Variants in GALNT17 observed in about 807,000 individuals in gnomAD.
The protein encoded by GALNT17 is polypeptide N-acetylgalactosaminyltransferase 17.
In GALNT17, 29 loss-of-function variants were observed where a neutral mutation model predicts 63.7. That is an observed-to-expected ratio of 0.46 (90% confidence interval 0.34 to 0.62). The LOEUF is 0.62. GALNT17 is among the 20% of genes least tolerant of loss of function. The pLI is 0.01. For missense variants in GALNT17, 603 were observed against 799.6 expected (o/e 0.75, Z 2.97); for synonymous variants, 305 against 318.3 (o/e 0.96, Z 0.45).
chr7:71,458,595 G>A (rs1279603407), intron 5 of GALNT17, among the ~76,000 whole-genome samples: 2 of 152,196 alleles, frequency 1.3e-5, no homozygotes, highest in East Asian at 3.9e-4. Flanking sequence ...TGGTGTCCAG[G>A]AAGAATCAGG....
intron 9 of GALNT17, among the ~76,000 whole-genome samples, chr7:71,701,858 CATATATATAT>C (rs770291026): frequency 4.6e-5 from 1 of 21,628 alleles, no homozygotes; most frequent in Non-Finnish European, 2.3e-4. Context: ...TATATATACA[CATATATATAT>C]ACATATATAT....
intron 1 of GALNT17, among the ~76,000 whole-genome samples, chr7:71,269,784 T>A (rs1790553010): frequency 6.6e-6 from 1 of 152,200 alleles, no homozygotes; most frequent in African/African-American, 2.4e-5. Context: ...GGGATTGTCA[T>A]CTGGCTGAGA....
At chr7:71,438,419 C>G (rs1583953541) in intron 5 of GALNT17, among the ~76,000 whole-genome samples, 1 of 152,284 alleles carries the variant, frequency 6.6e-6, no homozygotes, top group East Asian at 1.9e-4. Flanking sequence ...TCTGCCTTTC[C>G]CAGCCCACTG....
At chr7:71,664,035 GTT>G (rs35903054) in intron 6 of GALNT17, among the ~76,000 whole-genome samples, 2 of 142,534 alleles carry the variant, frequency 1.4e-5, no homozygotes, top group African/African-American at 2.6e-5. Flanking sequence ...TTACAATAAG[GTT>G]TTTTTTTTTT....
At chr7:71,353,685 G>A (rs976435670) in intron 2 of GALNT17, among the ~76,000 whole-genome samples, 2 of 152,138 alleles carry the variant, frequency 1.3e-5, no homozygotes, top group Non-Finnish European at 2.9e-5. Flanking sequence ...ACACATGAGG[G>A]AAAGGAACAG....
chr7:71,509,365 G>C (rs1788317487), intron 5 of GALNT17, among the ~76,000 whole-genome samples: 1 of 152,192 alleles, frequency 6.6e-6, no homozygotes, highest in Non-Finnish European at 1.5e-5. Flanking sequence ...TTCAGCTTAG[G>C]ATGGGTGTAT....
At chr7:71,246,510 C>T (rs1006733482) in intron 1 of GALNT17, among the ~76,000 whole-genome samples, 13 of 148,418 alleles carry the variant, frequency 8.8e-5, no homozygotes, top group African/African-American at 3.2e-4. Flanking sequence ...TATATTTAAT[C>T]AATAGACTGC....
In GALNT17 at chr7:71,288,215, C is replaced by CAAAAAA. The variant is rs59555320; in HGVS notation, c.239-47317_239-47312dup. 1.1e-3 allele frequency among the ~76,000 whole-genome samples: 95 copies of CAAAAAA among 83,836 alleles called. 2 individuals are homozygous for CAAAAAA. Among genetic ancestry groups the CAAAAAA allele is most frequent in the African/African-American group, 4.6e-3 (87 of 18,728 alleles). 55.0% of individuals were successfully genotyped at this position (83,836 alleles called of 152,430 possible). A position where few individuals can be genotyped will look rare whatever the true frequency, so the allele number is the denominator to read the frequency against. On this transcript the variant is annotated intron_variant, in intron 1 of 10. Transcript: ENST00000333538. ...TGGGCGACAGAGTGGGACTCCATCTCAAAAAAAAAAAAAAAAAAAAAAATC... is the reference window on the plus strand; with the variant it reads ...TGGGCGACAGAGTGGGACTCCATCTCAAAAAAAAAAAAAAAAAAAAAAAAAAAAATC...
intron 6 of GALNT17, among the ~76,000 whole-genome samples, chr7:71,583,938 C>A (rs1250801839): frequency 6.6e-6 from 1 of 150,982 alleles, no homozygotes; most frequent in African/African-American, 2.4e-5. Flanking sequence ...TCCTGGCTAA[C>A]ATGGTGAAAC....
chr7:71,694,727 A>T (rs1364815902), intron 9 of GALNT17, among the ~76,000 whole-genome samples: 1 of 152,222 alleles, frequency 6.6e-6, no homozygotes, highest in Non-Finnish European at 1.5e-5. Context: ...AAGGAAGCAG[A>T]GTCCCATAGG....
chr7:71,351,213 G>A (rs2707430), intron 2 of GALNT17, among the ~76,000 whole-genome samples: 4,814 of 152,088 alleles, frequency 0.032, 250 homozygotes, highest in African/African-American at 0.11. Context: ...TGGACAGAAA[G>A]AATAGTGCCT....
rs956830226 is a variant in GALNT17 at position 71,632,093 on chromosome 7, A to G, written c.1081-33318A>G. On this transcript the variant is annotated intron_variant, in intron 6 of 10. Transcript: ENST00000333538. ...GACCTGAAGATGTTTAGTCTAAAAA[A>G]AAAAAGAAAAAGAAAAAAGACTGGG... Among the ~76,000 whole-genome samples the G allele has an allele frequency of 5.7e-5, 8 of 140,216 alleles. No individual in the cohort carries two copies. The South Asian group carries it at 1.3e-3, about 23-fold the overall frequency. 92.0% of individuals were successfully genotyped at this position (140,216 alleles called of 152,430 possible).
At chr7:71,536,612 C>G (rs1788806396) in intron 5 of GALNT17, among the ~76,000 whole-genome samples, 1 of 152,146 alleles carries the variant, frequency 6.6e-6, no homozygotes, top group South Asian at 2.1e-4. Context: ...GACTTATTCA[C>G]TACCATGAGA....
intron 1 of GALNT17, among the ~76,000 whole-genome samples, chr7:71,321,893 T>TC (rs1563001037): frequency 1.2e-5 from 1 of 85,910 alleles, no homozygotes; most frequent in African/African-American, 4.8e-5. Flanking sequence ...CTTCCTTCCT[T>TC]CCTTCCTTCC....
chr7:71,588,535 C>A lies in GALNT17; in HGVS notation c.1080+17133C>A, dbSNP rs949385494. ...GTTCACTTTTGTTTTTTCTTTTCTA[C>A]CGAGGCTACAAGTCAGTTAACTAAA... is the stretch of plus-strand genomic sequence containing the variant. On this transcript the variant is annotated intron_variant, in intron 6 of 10. Transcript: ENST00000333538. 7.9e-5 allele frequency among the ~76,000 whole-genome samples: 12 copies of A among 152,072 alleles called. 1 individual carries two copies. The highest frequency in any genetic ancestry group is 7.2e-4 in the Admixed American group (11 of 15,258).
chr7:71,307,155 G>A (rs1196130147), intron 1 of GALNT17, among the ~76,000 whole-genome samples: 1 of 152,106 alleles, frequency 6.6e-6, no homozygotes, highest in African/African-American at 2.4e-5. Context: ...TTTATGCCCA[G>A]AAGTAAAATT....
rs762495552 is a variant in GALNT17 at position 71,420,942 on chromosome 7, C to A, written c.799C>A (p.Arg267=). 1 of 1,614,142 alleles carries A rather than the reference C, an allele frequency of 6.2e-7. No homozygotes were observed. The highest frequency in any genetic ancestry group is 1.7e-5 in the Admixed American group (1 of 60,016). ...EPVLSRIQEN[R]KRVILPSIDN... ...GGTTCTATCCCGCATCCAGGAAAACCGGAAGCGTGTGATCCTCCCCTCCAT... is the reference window on the plus strand; with the variant it reads ...GGTTCTATCCCGCATCCAGGAAAACAGGAAGCGTGTGATCCTCCCCTCCAT... Residue 267 remains arginine, a synonymous_variant, in exon 5 of 11, where the codon CGG becomes AGG. Coordinates refer to ENST00000333538, the MANE Select transcript of GALNT17 (RefSeq NM_022479.3).
intron 6 of GALNT17, among the ~76,000 whole-genome samples, chr7:71,625,929 A>G (rs1371488693): frequency 1.3e-5 from 2 of 152,276 alleles, no homozygotes; most frequent in South Asian, 2.1e-4. Context: ...CTCTGATCCA[A>G]TATGACTGGT....
chr7:71,609,453 CATT>C (rs1172891575), intron 6 of GALNT17, among the ~76,000 whole-genome samples: 1 of 152,200 alleles, frequency 6.6e-6, no homozygotes, highest in Non-Finnish European at 1.5e-5. Flanking sequence ...AGAAAGTAGA[CATT>C]GTTGTTCCAC....
Sources: gnomAD v4.1 joint callset for allele counts (sites outside exome capture counted in the v4.1 genomes callset) on GRCh38, gnomAD v4.1.1 for gene constraint, MANE v1.5 for transcripts, NCBI Gene and HGNC (gene_info 2026-07-23, HGNC 2026-07-21) for gene names.